Variants in ATP8A2 observed in about 807,000 individuals in gnomAD.
ATP8A2 encodes the protein phospholipid-transporting ATPase IB.
In ATP8A2, 100 loss-of-function variants were observed where a neutral mutation model predicts 165.6. The ratio of observed to expected loss-of-function variants is 0.60; its 90% CI spans 0.51 to 0.71. ATP8A2 has a LOEUF of 0.71. ATP8A2 is among the 30% of genes least tolerant of loss of function. The pLI is 0.00. For missense variants in ATP8A2, 1,227 were observed against 1,479.5 expected (o/e 0.83, Z 2.80); for synonymous variants, 543 against 548.8 (o/e 0.99, Z 0.15).
In ATP8A2 at chr13:25,420,757, A is replaced by G. The variant is rs112372119; in HGVS notation, c.77-48220A>G. On this transcript the variant is annotated intron_variant, in intron 1 of 36. Transcript: ENST00000381655. ...TTCGCATGGTCACAGATAGTTACCT[A>G]TAAATATTTCCGGAATATTGATGGT... Among the ~76,000 whole-genome samples the G allele has an allele frequency of 3.3e-3, 496 of 152,328 alleles. 4 individuals are homozygous for G. The highest frequency in any genetic ancestry group is 0.011 in the African/African-American group (477 of 41,562).
intron 33 of ATP8A2, among the ~76,000 whole-genome samples, chr13:25,942,450 C>G (rs1184082787): frequency 2.0e-5 from 3 of 151,976 alleles, no homozygotes; most frequent in Non-Finnish European, 2.9e-5. Flanking sequence ...GAGATGAAGT[C>G]TCGCTCTTGT....
At chr13:25,551,836 C>T (rs2038832877) in intron 11 of ATP8A2, among the ~76,000 whole-genome samples, 1 of 152,072 alleles carries the variant, frequency 6.6e-6, no homozygotes, top group Admixed American at 6.5e-5. Context: ...ACAGAAATGT[C>T]ACTCCAGCGT....
Position 26,017,838 on chromosome 13 carries a change from C to T in ATP8A2, c.3470-2050C>T, listed in dbSNP as rs140489356. ...TGCTGCCTTCAGGCTCAGACACCCA[C>T]CTGCTCCTGTACCCAGCTGTCTGAG... On this transcript the variant is annotated intron_variant, in intron 36 of 36. Coordinates refer to ENST00000381655, the MANE Select transcript of ATP8A2 (RefSeq NM_016529.6). 3.7e-4 allele frequency among the ~76,000 whole-genome samples: 57 copies of T among 152,324 alleles called. 1 individual carries two copies. The East Asian group carries it at 0.011, about 29-fold the overall frequency.
Position 25,961,600 on chromosome 13 carries a change from A to T in ATP8A2, c.3209A>T (p.His1070Leu), listed in dbSNP as rs759544383. 1.2e-6 allele frequency: 2 copies of T among 1,614,116 alleles called. No homozygotes were observed. Among genetic ancestry groups the T allele is most frequent in the Non-Finnish European group, 1.7e-6 (2 of 1,179,950 alleles). ...GCAACTATGGTCCTGAGCTCCGCAC[A>T]CTTCTGGTTGGGATTATTTCTGGTT... is the stretch of plus-strand genomic sequence containing the variant. The part of the protein sequence containing the change: ...GQATMVLSSA[H>L]FWLGLFLVPT... Residue 1070 changes from histidine to leucine, a missense_variant, in exon 34 of 37, where the codon CAC (histidine) becomes CTC (leucine). By Grantham distance (99) the His-to-Leu change is moderately conservative (BLOSUM62 -3). Coordinates refer to ENST00000381655, the MANE Select transcript of ATP8A2 (RefSeq NM_016529.6).
rs1315507354 is a variant in ATP8A2 at position 26,012,594 on chromosome 13, G to A, written c.3441G>A (p.Arg1147=). 2.6e-6 allele frequency: 4 copies of A among 1,516,854 alleles called. No homozygotes were observed. Among genetic ancestry groups the A allele is most frequent in the Non-Finnish European group, 3.5e-6 (4 of 1,132,824 alleles). 94.0% of individuals were successfully genotyped at this position (1,516,854 alleles called of 1,614,324 possible). A position where few individuals can be genotyped will look rare whatever the true frequency, so the allele number is the denominator to read the frequency against. The change falls in exon 36 of 37, where the codon CGG becomes CGA. Residue 1147 remains arginine, a synonymous_variant. Coordinates refer to ENST00000381655, the MANE Select transcript of ATP8A2 (RefSeq NM_016529.6). ...LGRKTPPTLF[R]GSSLQQGVPH... ...GGAAGACGCCCCCGACGCTGTTCCG[G>A]GGCAGCTCCCTGCAGCAGGGCGTCC...
intron 34 of ATP8A2, among the ~76,000 whole-genome samples, chr13:25,966,684 C>G (rs184538578): frequency 2.0e-5 from 3 of 152,186 alleles, no homozygotes; most frequent in Non-Finnish European, 2.9e-5. Context: ...CCTGAGAGCA[C>G]GCACAATGCC....
In ATP8A2 at chr13:25,665,146, T is replaced by G. The variant is rs556400610; in HGVS notation, c.2212-34027T>G. On this transcript the variant is annotated intron_variant, in intron 24 of 36. Coordinates refer to ENST00000381655, the MANE Select transcript of ATP8A2 (RefSeq NM_016529.6). ...GCGGAGGTCCCCGTGCACAGTGTGG[T>G]GCAGCAGTGAACCCAAGATTTTCCT... Among the ~76,000 whole-genome samples, 17 of 152,314 alleles carry G rather than the reference T, an allele frequency of 1.1e-4. No individual in the cohort carries two copies. The East Asian group carries it at 2.7e-3, about 24-fold the overall frequency.
intron 2 of ATP8A2, among the ~76,000 whole-genome samples, chr13:25,491,823 G>A (rs748784121): frequency 5.3e-5 from 8 of 152,272 alleles, no homozygotes; most frequent in Middle Eastern, 6.8e-3. Flanking sequence ...GACATTAGTG[G>A]TGTGATTTAG....
chr13:25,372,383 C>T lies in ATP8A2; in HGVS notation c.76+95C>T, dbSNP rs1292972153. ...TATGCGACACTGCCCCGCCCGCGCC[C>T]CGCTCCCCTCCCTGGGCTCCCTGGG... On this transcript the variant is annotated intron_variant, in intron 1 of 36. Transcript: ENST00000381655. The surrounding 1 kb of genome is among the most constrained non-coding windows in gnomAD (Gnocchi z 4.8). The T allele has an allele frequency of 3.3e-6, 3 of 917,732 alleles. No homozygotes were observed. Among genetic ancestry groups the T allele is most frequent in the Non-Finnish European group, 4.4e-6 (3 of 683,082 alleles). The allele number at this position is 917,732 out of a possible 1,614,324, so 56.8% of individuals were successfully genotyped here.
At chr13:25,719,937 T>C (rs966106208) in intron 25 of ATP8A2, among the ~76,000 whole-genome samples, 8 of 152,014 alleles carry the variant, frequency 5.3e-5, no homozygotes, top group African/African-American at 1.9e-4. Flanking sequence ...GGCTCCTGTG[T>C]CCTGTGCTTG....
At chr13:25,640,466 C>T (rs1166527658) in intron 24 of ATP8A2, among the ~76,000 whole-genome samples, 1 of 152,192 alleles carries the variant, frequency 6.6e-6, no homozygotes, top group Non-Finnish European at 1.5e-5. Flanking sequence ...TCAGAGAATA[C>T]TATAAACACC....
At chr13:25,531,955 A>G (rs2038127705) in intron 4 of ATP8A2, among the ~76,000 whole-genome samples, 1 of 152,206 alleles carries the variant, frequency 6.6e-6, no homozygotes, top group South Asian at 2.1e-4. Flanking sequence ...TTACTTTATC[A>G]ATAAAATGAA....
intron 24 of ATP8A2, among the ~76,000 whole-genome samples, chr13:25,619,351 G>A (rs907199974): frequency 3.2e-4 from 48 of 152,252 alleles, no homozygotes; most frequent in African/African-American, 1.1e-3. Context: ...AGCCAATGCA[G>A]CTCCTCTTCA....
chr13:25,954,941 TC>T (rs1178194464), intron 33 of ATP8A2, among the ~76,000 whole-genome samples: 1 of 152,104 alleles, frequency 6.6e-6, no homozygotes, highest in African/African-American at 2.4e-5. Flanking sequence ...ATGCCTCTTC[TC>T]CTCCAAAGGA....
intron 24 of ATP8A2, among the ~76,000 whole-genome samples, chr13:25,682,289 C>A (rs188550813): frequency 6.6e-6 from 1 of 152,128 alleles, no homozygotes; most frequent in African/African-American, 2.4e-5. Context: ...GTGCCTCCCC[C>A]CTCCTCTGCA....
chr13:25,824,709 A>C (rs1431756692), intron 27 of ATP8A2, among the ~76,000 whole-genome samples: 1 of 151,540 alleles, frequency 6.6e-6, no homozygotes, highest in East Asian at 1.9e-4. Flanking sequence ...ATGATTCTGC[A>C]TTTTTTTTCT....
At chr13:25,768,080 G>GC (rs994456818) in intron 25 of ATP8A2, among the ~76,000 whole-genome samples, 2 of 138,806 alleles carry the variant, frequency 1.4e-5, no homozygotes, top group Admixed American at 7.1e-5. Flanking sequence ...GTGGCGTGGG[G>GC]GGGGGGTGGT....
chr13:25,910,695 C>T (rs1288319160), intron 33 of ATP8A2, among the ~76,000 whole-genome samples: 1 of 152,116 alleles, frequency 6.6e-6, no homozygotes. Context: ...GTTAGGAAAA[C>T]ACGCTGTTTC....
chr13:25,980,333 C>T (rs1210497295), intron 35 of ATP8A2, among the ~76,000 whole-genome samples: 1 of 152,146 alleles, frequency 6.6e-6, no homozygotes, highest in African/African-American at 2.4e-5. Context: ...GTTCACAGTG[C>T]TCAGGGTCAT....
Sources: allele counts gnomAD v4.1 joint callset (sites outside exome capture counted in the v4.1 genomes callset), GRCh38; gene constraint gnomAD v4.1.1; non-coding constraint Gnocchi (gnomAD v3.1); transcripts MANE v1.5; gene names NCBI Gene and HGNC (gene_info 2026-07-23, HGNC 2026-07-21).